Variants in NEO1 observed in about 807,000 individuals in gnomAD.
NEO1 encodes neogenin.
In NEO1, 63 loss-of-function variants were observed where a neutral mutation model predicts 159.7. The observed-to-expected ratio is 0.39, with a 90% CI of 0.32 to 0.49. The LOEUF (loss-of-function observed/expected upper bound fraction) is 0.49. Ranked by LOEUF, NEO1 falls within the 20% of genes least tolerant of loss-of-function variation. The pLI is 0.85. For synonymous variants in NEO1, 633 were observed against 662.0 expected (o/e 0.96, Z 0.67); for missense variants, 1,615 against 1,831.0 (o/e 0.88, Z 2.15).
intron 8 of NEO1, among the ~76,000 whole-genome samples, chr15:73,239,373 A>C (rs944735664): frequency 3.3e-5 from 5 of 152,188 alleles, no homozygotes; most frequent in Non-Finnish European, 5.9e-5. Flanking sequence ...ATATGTATGC[A>C]TTGGGCCCTC....
At chr15:73,152,012 T>A (rs924313225) in intron 5 of NEO1, among the ~76,000 whole-genome samples, 14 of 152,202 alleles carry the variant, frequency 9.2e-5, no homozygotes, top group Non-Finnish European at 1.9e-4. Context: ...ATTGTATTAG[T>A]CAGGGTTATC....
intron 7 of NEO1, among the ~76,000 whole-genome samples, chr15:73,230,262 G>A (rs900668740): frequency 1.3e-5 from 2 of 152,086 alleles, no homozygotes; most frequent in Admixed American, 6.6e-5. Context: ...TTTCTTGATA[G>A]ATTTGGCAGT....
chr15:73,123,584 G>C (rs189222554), intron 3 of NEO1, among the ~76,000 whole-genome samples: 10 of 152,118 alleles, frequency 6.6e-5, no homozygotes, highest in Admixed American at 3.3e-4. Context: ...TCTTCTTTTT[G>C]TGTGTCTTCT....
chr15:73,160,951 T>A (rs1188798825), intron 5 of NEO1, among the ~76,000 whole-genome samples: 3 of 152,152 alleles, frequency 2.0e-5, no homozygotes, highest in African/African-American at 7.2e-5. Context: ...CATGTTTGAT[T>A]CCACTGTTAG....
At chr15:73,102,862 G>C (rs564145362) in intron 1 of NEO1, among the ~76,000 whole-genome samples, 7 of 152,082 alleles carry the variant, frequency 4.6e-5, no homozygotes, top group Non-Finnish European at 1.0e-4. Context: ...CTCCACATAA[G>C]CACCTTAAAC....
intron 16 of NEO1, among the ~76,000 whole-genome samples, chr15:73,268,094 C>G (rs1036649971): frequency 6.6e-6 from 1 of 152,064 alleles, no homozygotes; most frequent in Non-Finnish European, 1.5e-5. Context: ...GCCTAATATT[C>G]TCTGTCCTTT....
rs7359248 is a variant in NEO1, at chr15:73,135,613, G to T, written c.879-278G>T. Among the ~76,000 whole-genome samples, 1,299 of 152,254 alleles carry T rather than the reference G, an allele frequency of 8.5e-3. 21 individuals are homozygous for T. The highest frequency in any genetic ancestry group is 0.029 in the African/African-American group (1,224 of 41,522). Reference sequence around the variant, plus strand: ...GGATGGGCTGAAGGAAGTGAAATTGGTTCCAAGAGTGATACCCCTTTGGAA... The same window carrying T: ...GGATGGGCTGAAGGAAGTGAAATTGTTTCCAAGAGTGATACCCCTTTGGAA... On this transcript the variant is annotated intron_variant, in intron 4 of 28. Coordinates refer to ENST00000261908, the MANE Select transcript of NEO1 (RefSeq NM_002499.4).
chr15:73,144,596 G>A (rs115937147), intron 5 of NEO1, among the ~76,000 whole-genome samples: 2,153 of 152,054 alleles, frequency 0.014, 46 homozygotes, highest in African/African-American at 0.049. Flanking sequence ...ACCGAGTTCT[G>A]TTGTCAGCCT....
At chr15:73,214,655 A>G (rs2150712842) in intron 7 of NEO1, among the ~76,000 whole-genome samples, 1 of 152,278 alleles carries the variant, frequency 6.6e-6, no homozygotes, top group African/African-American at 2.4e-5. Flanking sequence ...TAGCAGTACC[A>G]TGCTGTTTTG....
intron 5 of NEO1, among the ~76,000 whole-genome samples, chr15:73,154,318 C>T (rs920441053): frequency 2.2e-4 from 34 of 152,084 alleles, no homozygotes; most frequent in African/African-American, 7.5e-4. Context: ...ATGGAGTATC[C>T]ATCACCCAAG....
intron 7 of NEO1, among the ~76,000 whole-genome samples, chr15:73,227,644 AG>A (rs375546427): frequency 3.9e-5 from 6 of 152,258 alleles, no homozygotes; most frequent in African/African-American, 1.4e-4. Flanking sequence ...GCATTTGAGC[AG>A]CAGGTCAGAG....
intron 1 of NEO1, among the ~76,000 whole-genome samples, chr15:73,112,145 C>T (rs1384275424): frequency 6.6e-6 from 1 of 151,984 alleles, no homozygotes; most frequent in East Asian, 1.9e-4. Flanking sequence ...TTACACTCAT[C>T]TTCATTATTC....
intron 7 of NEO1, among the ~76,000 whole-genome samples, chr15:73,226,813 T>C (rs916384970): frequency 1.4e-4 from 22 of 152,318 alleles, no homozygotes; most frequent in Middle Eastern, 3.4e-3. Flanking sequence ...TTCCTACCTT[T>C]CAAATGAGCT....
At chr15:73,259,220 T>G (rs2040507077) in intron 14 of NEO1, 1 of 214,204 alleles carries the variant, frequency 4.7e-6, no homozygotes, top group South Asian at 8.4e-5. Flanking sequence ...TTCCCTTTTC[T>G]TTTAGTCCTG....
At chr15:73,239,365 A>G (rs1405482710) in intron 8 of NEO1, among the ~76,000 whole-genome samples, 1 of 152,156 alleles carries the variant, frequency 6.6e-6, no homozygotes, top group Non-Finnish European at 1.5e-5. Flanking sequence ...ATACAGATAT[A>G]TGTATGCATT....
chr15:73,212,086 G>A (rs1395610299), intron 7 of NEO1, among the ~76,000 whole-genome samples: 1 of 152,274 alleles, frequency 6.6e-6, no homozygotes, highest in African/African-American at 2.4e-5. Flanking sequence ...ATTTGGTAAC[G>A]TTAACACTGA....
intron 23 of NEO1, 23 bp from the exon 24 acceptor site, chr15:73,288,290 G>A (rs780186602): frequency 6.3e-7 from 1 of 1,586,158 alleles, no homozygotes; most frequent in Admixed American, 1.7e-5. Context: ...CTTTTTAAAA[G>A]CTCCTCTGAA....
At chr15:73,187,967 C>T (rs1376533470) in intron 7 of NEO1, among the ~76,000 whole-genome samples, 1 of 152,190 alleles carries the variant, frequency 6.6e-6, no homozygotes, top group Non-Finnish European at 1.5e-5. Context: ...GGCCAGTTTT[C>T]ATCATTTCTC....
chr15:73,263,952 A>G (rs1045790808), intron 15 of NEO1, among the ~76,000 whole-genome samples: 3 of 152,120 alleles, frequency 2.0e-5, no homozygotes, highest in Non-Finnish European at 4.4e-5. Context: ...TTGGGAGGCT[A>G]AGGCAGGAGG....
Sources: allele counts gnomAD v4.1 joint callset (sites outside exome capture counted in the v4.1 genomes callset), GRCh38; gene constraint gnomAD v4.1.1; transcripts MANE v1.5; gene names NCBI Gene and HGNC (gene_info 2026-07-23, HGNC 2026-07-21).